Variants in DLD observed in about 807,000 individuals in gnomAD.
DLD encodes the protein dihydrolipoyl dehydrogenase, mitochondrial.
Under a neutral mutation model 62.2 loss-of-function variants are expected in DLD, and 36 were observed. The ratio of observed to expected loss-of-function variants is 0.58; its 90% confidence interval spans 0.44 to 0.76. The LOEUF (loss-of-function observed/expected upper bound fraction) is 0.76. Among genes scored for constraint, DLD ranks in the 30% least tolerant of loss-of-function variants. The pLI is 0.00. For missense variants in DLD, 541 were observed against 608.6 expected, an observed-to-expected ratio of 0.89 and a Z score of 1.17; for synonymous variants, 204 against 199.6, an observed-to-expected ratio of 1.02 and a Z score of -0.19.
At chr7:107,906,472 A>G in intron 8 of DLD, 104 bp downstream of exon 8, 2 of 761,350 alleles carry the variant, frequency 2.6e-6, no homozygotes, top group African/African-American at 1.7e-5. Flanking sequence ...ATCAGCATTG[A>G]GTTTTGCTTA....
intron 9 of DLD, among the ~76,000 whole-genome samples, chr7:107,916,471 A>G (rs540767345): frequency 6.6e-6 from 1 of 152,258 alleles, no homozygotes; most frequent in African/African-American, 2.4e-5. Context: ...TCAAGAGATC[A>G]AGACCAGCCT....
intron 8 of DLD, 130 bp from the exon 9 acceptor site, chr7:107,915,366 TCAATTTTAAA>T: frequency 1.2e-6 from 1 of 814,506 alleles, no homozygotes; most frequent in Admixed American, 2.4e-5. Context: ...TAACACAGGG[TCAATTTTAAA>T]CCTCGGAGCT....
chr7:107,909,480 AT>A (rs1388239850), intron 8 of DLD, among the ~76,000 whole-genome samples: 2 of 152,230 alleles, frequency 1.3e-5, no homozygotes, highest in Non-Finnish European at 2.9e-5. Context: ...TTTGATGTTT[AT>A]TCATCTTCGT....
At chr7:107,911,044 A>G (rs1314235615) in intron 8 of DLD, among the ~76,000 whole-genome samples, 3 of 152,178 alleles carry the variant, frequency 2.0e-5, no homozygotes, top group Non-Finnish European at 4.4e-5. Flanking sequence ...GTACAATTCA[A>G]AGGTTTTTAG....
chr7:107,895,975 G>A (rs2031712652), intron 2 of DLD, among the ~76,000 whole-genome samples: 1 of 152,196 alleles, frequency 6.6e-6, no homozygotes, highest in South Asian at 2.1e-4. Flanking sequence ...TTTCTAGGTA[G>A]ATGGAACAGA....
chr7:107,907,942 C>G (rs968147227), intron 8 of DLD, among the ~76,000 whole-genome samples: 1 of 152,222 alleles, frequency 6.6e-6, no homozygotes, highest in Non-Finnish European at 1.5e-5. Flanking sequence ...GGGCATGAAT[C>G]TATTTATTGC....
rs775001847 is a variant in DLD at position 107,905,388 on chromosome 7, A to G, written c.466A>G (p.Ile156Val). The G allele has an allele frequency of 3.7e-6, 6 of 1,613,622 alleles. No homozygotes were observed. In the East Asian group the frequency reaches 8.9e-5, roughly 24 times the overall value. ...TGTTCATGTCAATGGATATGGAAAG[A>G]TAACTGGCAAAAATCAAGTCACTGC... ...KVVHVNGYGK[I>V]TGKNQVTATK... The change falls in exon 7 of 14, where the codon ATA becomes GTA. Residue 156 changes from isoleucine (I) to valine (V), a missense_variant. Transcript: ENST00000205402.
intron 11 of DLD, 125 bp downstream of exon 11, chr7:107,917,587 T>C: frequency 9.7e-7 from 1 of 1,030,244 alleles, no homozygotes; most frequent in Non-Finnish European, 1.5e-6. Context: ...GTTTAGCTTA[T>C]ATATTTTTCC....
intron 6 of DLD, 61 bp from the exon 7 acceptor site, chr7:107,905,300 G>C (rs2031976654): frequency 1.3e-6 from 2 of 1,511,492 alleles, no homozygotes; most frequent in Admixed American, 1.7e-5. Flanking sequence ...TTTTTCCTTT[G>C]AATGATTTAT....
In DLD at chr7:107,902,404, GT is replaced by G. The variant is rs886061906; in HGVS notation, c.267+15del. ...TGTATTCCTTCTAAGGTGAGCATGT[GT>G]TTTGTACAGCACAGAGATTGTTTTT... On this transcript the variant is annotated intron_variant, in intron 4 of 13. Coordinates refer to ENST00000205402, the MANE Select transcript of DLD (RefSeq NM_000108.5). The G allele has an allele frequency of 6.2e-7, 1 of 1,612,854 alleles. No individual in the cohort carries two copies. The highest frequency in any genetic ancestry group is 1.3e-5 in the African/African-American group (1 of 75,012).
Position 107,915,506 on chromosome 7 carries a change from G to T in DLD, c.685G>T (p.Gly229Cys), listed in dbSNP as rs121964990. 225 of 1,613,460 alleles carry T rather than the reference G, an allele frequency of 1.4e-4. 1 individual carries two copies. The highest frequency in any genetic ancestry group is 1.2e-3 in the Middle Eastern group (7 of 6,078). The change falls in exon 9 of 14, where the codon GGT (glycine) becomes TGT (cysteine). Residue 229 changes from glycine to cysteine, a missense_variant and splice_region_variant. Physicochemically the swap from Gly to Cys is radical, Grantham distance 159. Coordinates refer to ENST00000205402, the MANE Select transcript of DLD (RefSeq NM_000108.5). ...IGAGVIGVEL[G>C]SVWQRLGADV... ...TTGGGTTTTTTTAATTTATTTGCAGGGTTCAGTTTGGCAAAGACTTGGTGC... is the reference window on the plus strand; with the variant it reads ...TTGGGTTTTTTTAATTTATTTGCAGTGTTCAGTTTGGCAAAGACTTGGTGC...
intron 4 of DLD, 126 bp from the exon 5 acceptor site, chr7:107,903,352 T>A (rs183132363): frequency 1.6e-6 from 1 of 626,334 alleles, no homozygotes; most frequent in African/African-American, 1.8e-5. Flanking sequence ...CACTCCAGCT[T>A]GGGCAATAAG....
chr7:107,918,930 G>T, intron 12 of DLD, 80 bp from the exon 13 acceptor site: 1 of 1,166,800 alleles, frequency 8.6e-7, no homozygotes, highest in Non-Finnish European at 1.3e-6. Context: ...AGATCTAAAA[G>T]CTTCCCCTCA....
chr7:107,920,764 C>T lies in DLD; in HGVS notation c.*1505C>T, dbSNP rs1053262850. The T allele has an allele frequency of 7.2e-5, 11 of 152,204 alleles. No homozygotes were observed. The highest frequency in any genetic ancestry group is 2.4e-5 in the African/African-American group (1 of 41,448). The allele number at this position is 152,204 out of a possible 1,614,324, so 9.4% of individuals were successfully genotyped here. A position where few individuals can be genotyped will look rare whatever the true frequency, so the allele number is the denominator to read the frequency against. ...TTTGTTTCCCCCTCAAGTGAGAACC[C>T]GTTAAAAATGAGACATTGAGCCAGT... On this transcript the variant is annotated 3_prime_UTR_variant, in exon 14 of 14. Coordinates refer to ENST00000205402, the MANE Select transcript of DLD (RefSeq NM_000108.5).
At chr7:107,907,405 C>G (rs762163467) in intron 8 of DLD, among the ~76,000 whole-genome samples, 3 of 152,166 alleles carry the variant, frequency 2.0e-5, no homozygotes, top group Non-Finnish European at 2.9e-5. Context: ...ATTTTCTACT[C>G]TTCTCAAATC....
intron 2 of DLD, among the ~76,000 whole-genome samples, chr7:107,894,329 C>T (rs899727017): frequency 1.1e-4 from 16 of 152,244 alleles, no homozygotes; most frequent in African/African-American, 3.4e-4. Context: ...TATCAGTCTC[C>T]CTGCATTCTG....
At position 107,919,959 on chromosome 7, in the gene DLD, A is replaced by G; in HGVS notation, c.*700A>G. 6.6e-6 allele frequency: 1 copy of G among 152,572 alleles called. No individual in the cohort carries two copies. The highest frequency in any genetic ancestry group is 1.9e-4 in the East Asian group (1 of 5,334). The allele number at this position is 152,572 out of a possible 1,614,324, so 9.5% of individuals were successfully genotyped here. A position where few individuals can be genotyped will look rare whatever the true frequency, so the allele number is the denominator to read the frequency against. On this transcript the variant is annotated 3_prime_UTR_variant, in exon 14 of 14. Coordinates refer to ENST00000205402, the MANE Select transcript of DLD (RefSeq NM_000108.5). ...GAAGATACTGAAATAAACGTCTTAA[A>G]TATTCATTTACTGGTTATCATGAGT...
At chr7:107,896,146 G>C (rs758203632) in intron 2 of DLD, among the ~76,000 whole-genome samples, 1 of 152,228 alleles carries the variant, frequency 6.6e-6, no homozygotes. Flanking sequence ...CTGTACTTAG[G>C]AACATGGGCT....
rs2032355321 is a variant in DLD at position 107,919,436 on chromosome 7, A to G, written c.*177A>G. On this transcript the variant is annotated 3_prime_UTR_variant, in exon 14 of 14. Coordinates refer to ENST00000205402, the MANE Select transcript of DLD (RefSeq NM_000108.5). ...ATACTCTTATATCTATATTTTACAT[A>G]AATTTAGTATTTTGTTTCAGTGCAC... 1.8e-6 allele frequency: 1 copy of G among 548,550 alleles called. No homozygotes were observed. The highest frequency in any genetic ancestry group is 3.3e-5 in the Admixed American group (1 of 30,194). The allele number at this position is 548,550 out of a possible 1,614,324, so 34.0% of individuals were successfully genotyped here. A position where few individuals can be genotyped will look rare whatever the true frequency, so the allele number is the denominator to read the frequency against.
Sources: gnomAD v4.1 joint callset for allele counts (sites outside exome capture counted in the v4.1 genomes callset) on GRCh38, gnomAD v4.1.1 for gene constraint, MANE v1.5 for transcripts, NCBI Gene and HGNC (gene_info 2026-07-23, HGNC 2026-07-21) for gene names.